The following PLEKHA6 variants were observed in gnomAD, a reference collection of about 807,000 sequenced individuals.
The protein encoded by PLEKHA6 is pleckstrin homology domain containing A6, also known as pleckstrin homology domain-containing family A member 6.
A neutral mutation model predicts 116.7 loss-of-function variants in PLEKHA6; 60 were observed. The observed-to-expected ratio is 0.51, with a 90% confidence interval of 0.42 to 0.64. The LOEUF is 0.64. Among genes scored for constraint, PLEKHA6 ranks in the 30% least tolerant of loss-of-function variants. The pLI, the probability that PLEKHA6 is intolerant of heterozygous loss-of-function variation, is 0.00. For missense variants in PLEKHA6, 1,338 were observed against 1,422.7 expected (o/e 0.94, Z 0.96); for synonymous variants, 489 against 556.1 (o/e 0.88, Z 1.70).
intron 1 of PLEKHA6, among the ~76,000 whole-genome samples, chr1:204,275,487 C>T (rs1472194874): frequency 1.3e-5 from 2 of 151,718 alleles, no homozygotes; most frequent in African/African-American, 2.4e-5. Flanking sequence ...AGGGGCAGGG[C>T]GTTGTGAGGA....
At chr1:204,368,075 C>T (rs958910826) in intron 2 of PLEKHA6, among the ~76,000 whole-genome samples, 3 of 152,314 alleles carry the variant, frequency 2.0e-5, no homozygotes, top group Admixed American at 6.5e-5. Flanking sequence ...TGGGAGTGGA[C>T]GGGATGTCCT....
rs773717530 is a variant in PLEKHA6 at position 204,245,710 on chromosome 1, C to T, written c.1937G>A (p.Arg646Gln). 21 of 1,612,050 alleles carry T rather than the reference C, an allele frequency of 1.3e-5. No homozygotes were observed. The highest frequency in any genetic ancestry group is 1.6e-4 in the Middle Eastern group (1 of 6,080). Residue 646 changes from arginine (R) to glutamine (Q), a missense_variant, in exon 14 of 23, where the codon CGG becomes CAG. By Grantham distance (43) the Arg-to-Gln change is conservative. This residue lies in a region of PLEKHA6 where 1,136 missense variants were observed against 1,163.6 expected (regional missense o/e 0.98). Transcript: ENST00000272203. ...NLDTQNEVLN[R>Q]QIQKEIWRIQ... ...CCTCCAGATCTCCTTTTGGATTTGC[C>T]GGTTCAGCACCTCATTCTGAAGCAG...
At chr1:204,232,825 C>A (rs180791053) in intron 17 of PLEKHA6, among the ~76,000 whole-genome samples, 1 of 152,154 alleles carries the variant, frequency 6.6e-6, no homozygotes, top group Admixed American at 6.5e-5. Context: ...GAGTGAGCCA[C>A]AGAGGATTAT....
Position 204,244,877 on chromosome 1 carries a change from G to T in PLEKHA6, c.2159C>A (p.Pro720His). The T allele has an allele frequency of 6.4e-7, 1 of 1,563,662 alleles. No individual in the cohort carries two copies. Among genetic ancestry groups the T allele is most frequent in the Non-Finnish European group, 8.7e-7 (1 of 1,153,298 alleles). The part of the protein sequence containing the change: ...VSGSQGSPTK[P>H]GSNEPKANYE... ...TTCTCAACTTACCTCGTTGGAGCCA[G>T]GCTTGGTGGGGGACCCCTGAGAGCC... Residue 720 changes from proline to histidine, a missense_variant, in exon 15 of 23, where the codon CCT (proline) becomes CAT (histidine). Physicochemically the swap from Pro to His is moderately conservative, Grantham distance 77 (BLOSUM62 -2). Around this residue, in one of 3 missense-constraint regions of PLEKHA6, gnomAD observed 1,136 missense variants for 1,163.6 expected, o/e 0.98. Coordinates refer to ENST00000272203, the MANE Select transcript of PLEKHA6 (RefSeq NM_014935.5).
intron 1 of PLEKHA6, among the ~76,000 whole-genome samples, chr1:204,373,245 C>T (rs1572239245): frequency 6.6e-6 from 1 of 152,138 alleles, no homozygotes; most frequent in African/African-American, 2.4e-5. Context: ...TGCAACACCA[C>T]GCCTGGCTAA....
intron 9 of PLEKHA6, chr1:204,256,969 G>T: frequency 1.7e-6 from 1 of 583,566 alleles, no homozygotes; most frequent in South Asian, 2.1e-5. Flanking sequence ...AAGGTTAGAG[G>T]TATTTGTGTT....
intron 1 of PLEKHA6, chr1:204,296,975 G>T: frequency 3.5e-6 from 1 of 289,846 alleles, no homozygotes; most frequent in Non-Finnish European, 5.2e-6. Context: ...AATTTGACCT[G>T]AAGAAAGGAG....
At position 204,228,771 on chromosome 1, in the gene PLEKHA6, GCTTCTC is replaced by G; in HGVS notation, c.2836_2841del (p.Glu946_Lys947del). 1 of 1,613,866 alleles carries G rather than the reference GCTTCTC, an allele frequency of 6.2e-7. No individual in the cohort carries two copies. Among genetic ancestry groups the G allele is most frequent in the Non-Finnish European group, 8.5e-7 (1 of 1,179,854 alleles). On this transcript the variant is annotated inframe_deletion, in exon 20 of 23. Coordinates refer to ENST00000272203, the MANE Select transcript of PLEKHA6 (RefSeq NM_014935.5). This position sits in a 1 kb window ranked among gnomAD's most constrained non-coding sequence, Gnocchi z 4.0. ...GTCTTGATCCTCTCCACCTTCTTCTGCTTCTCCTTCAACTCCTCAGGGCTCAGGGGA... is the reference window on the plus strand; with the variant it reads ...GTCTTGATCCTCTCCACCTTCTTCTGCTTCAACTCCTCAGGGCTCAGGGGA...
At chr1:204,236,982 G>T (rs1288128806) in intron 17 of PLEKHA6, among the ~76,000 whole-genome samples, 2 of 152,176 alleles carry the variant, frequency 1.3e-5, no homozygotes, top group African/African-American at 4.8e-5. Context: ...CTTCTCCAAG[G>T]AGACCTCTGG....
At chr1:204,289,338 C>T (rs1178353838) in intron 1 of PLEKHA6, among the ~76,000 whole-genome samples, 2 of 152,166 alleles carry the variant, frequency 1.3e-5, no homozygotes, top group Non-Finnish European at 2.9e-5. Context: ...AATTAATAGC[C>T]CCTTCTCCTT....
intron 1 of PLEKHA6, among the ~76,000 whole-genome samples, chr1:204,323,657 G>C (rs1398790232): frequency 6.6e-6 from 1 of 152,226 alleles, no homozygotes; most frequent in African/African-American, 2.4e-5. Context: ...TGCATAATAG[G>C]TGCTCAGTAT....
At chr1:204,289,271 C>T (rs1401853455) in intron 1 of PLEKHA6, among the ~76,000 whole-genome samples, 3 of 152,112 alleles carry the variant, frequency 2.0e-5, no homozygotes, top group South Asian at 2.1e-4. Flanking sequence ...TTCTTTTTTA[C>T]CATGATCATA....
chr1:204,292,910 T>C (rs145626683), intron 1 of PLEKHA6, among the ~76,000 whole-genome samples: 2 of 9,848 alleles, frequency 2.0e-4, no homozygotes, highest in Non-Finnish European at 3.5e-4. Context: ...AAGCTGTTAG[T>C]GTTAGAGAGC....
chr1:204,292,552 T>C (rs1439042880), intron 1 of PLEKHA6, among the ~76,000 whole-genome samples: 1 of 151,818 alleles, frequency 6.6e-6, no homozygotes, highest in Non-Finnish European at 1.5e-5. Context: ...TCCCTCACCC[T>C]GGCTGATGCC....
At chr1:204,231,287 T>G (rs1661149866) in intron 17 of PLEKHA6, among the ~76,000 whole-genome samples, 1 of 152,156 alleles carries the variant, frequency 6.6e-6, no homozygotes, top group African/African-American at 2.4e-5. Flanking sequence ...GATGATCTGA[T>G]GAGGGCTCAG....
At chr1:204,303,721 G>A (rs898373415) in intron 1 of PLEKHA6, among the ~76,000 whole-genome samples, 1 of 152,052 alleles carries the variant, frequency 6.6e-6, no homozygotes, top group East Asian at 1.9e-4. Context: ...TGGGGTACGG[G>A]GGTGGTGGTG....
intron 1 of PLEKHA6, chr1:204,280,495 C>A (rs1668486187): frequency 1.1e-5 from 11 of 980,680 alleles, no homozygotes; most frequent in Non-Finnish European, 1.3e-5. Context: ...TCCATAGCTC[C>A]TGAGAATCTG....
At chr1:204,255,612 C>A (rs958810774) in intron 9 of PLEKHA6, 1 of 702,710 alleles carries the variant, frequency 1.4e-6, no homozygotes, top group South Asian at 1.5e-5. Context: ...AAGGGGGGCA[C>A]CAGCTCTGCC....
intron 1 of PLEKHA6, among the ~76,000 whole-genome samples, chr1:204,288,777 G>A (rs547886810): frequency 5.3e-5 from 8 of 152,194 alleles, no homozygotes; most frequent in South Asian, 4.1e-4. Flanking sequence ...GTCTCTCTGC[G>A]CCACTCAGAA....
Sources: allele counts gnomAD v4.1 joint callset (sites outside exome capture counted in the v4.1 genomes callset), GRCh38; gene constraint gnomAD v4.1.1; regional missense constraint gnomAD v4.1.1; non-coding constraint Gnocchi (gnomAD v3.1); transcripts MANE v1.5; gene names NCBI Gene and HGNC (gene_info 2026-07-23, HGNC 2026-07-21).